CSMD1: variants seen among roughly 807,000 people sequenced by gnomAD.
CSMD1 encodes the protein CUB and Sushi multiple domains 1.
CSMD1 carries 213 observed loss-of-function variants against 417.5 expected under a neutral mutation model. That is an observed-to-expected ratio of 0.51 (90% CI 0.46 to 0.57). CSMD1 has a LOEUF of 0.57. Among genes scored for constraint, CSMD1 ranks in the 20% least tolerant of loss-of-function variants. The pLI is 0.00. For missense variants in CSMD1, 6,923 were observed against 4,529.7 expected, an observed-to-expected ratio of 1.53 and a Z score of -15.17; for synonymous variants, 2,862 against 1,736.8, an observed-to-expected ratio of 1.65 and a Z score of -16.11.
chr8:4,419,075 A>G lies in CSMD1; in HGVS notation c.415+878T>C, dbSNP rs146869391. On this transcript the variant is annotated intron_variant, in intron 3 of 69. Coordinates refer to ENST00000635120, the MANE Select transcript of CSMD1 (RefSeq NM_033225.6). ...CAAAATACGATTTTTGCCTAAATGC[A>G]GAGTATTCCCAGTAAGAATATATAA... 3.3e-3 allele frequency among the ~76,000 whole-genome samples: 506 copies of G among 152,320 alleles called. 1 individual carries two copies. The highest frequency in any genetic ancestry group is 0.012 in the African/African-American group (483 of 41,584).
chr8:4,958,826 A>C (rs1310551325), intron 1 of CSMD1, among the ~76,000 whole-genome samples: 1 of 152,168 alleles, frequency 6.6e-6, no homozygotes, highest in African/African-American at 2.4e-5. Flanking sequence ...GCTTCTGACA[A>C]GTGTCTAAAA....
intron 1 of CSMD1, among the ~76,000 whole-genome samples, chr8:4,945,543 C>G (rs1340051368): frequency 6.7e-6 from 1 of 149,602 alleles, no homozygotes; most frequent in South Asian, 2.1e-4. Context: ...AAAAGTGGTA[C>G]TCAGTAAAAA....
intron 2 of CSMD1, among the ~76,000 whole-genome samples, chr8:4,517,883 C>A (rs982615600): frequency 1.3e-5 from 2 of 152,114 alleles, no homozygotes; most frequent in Admixed American, 6.6e-5. Flanking sequence ...ATAAGATTTG[C>A]ATTTGAGTAG....
At chr8:4,355,801 C>T (rs1292357830) in intron 3 of CSMD1, among the ~76,000 whole-genome samples, 1 of 152,170 alleles carries the variant, frequency 6.6e-6, no homozygotes, top group Non-Finnish European at 1.5e-5. Context: ...ACTAACCTGG[C>T]TGCTGTTTGG....
At chr8:4,785,064 T>A (rs996329306) in intron 1 of CSMD1, among the ~76,000 whole-genome samples, 66 of 152,244 alleles carry the variant, frequency 4.3e-4, no homozygotes, top group African/African-American at 1.5e-3. Context: ...TTTATATAAC[T>A]ATCAGGCAAG....
intron 37 of CSMD1, among the ~76,000 whole-genome samples, chr8:3,169,142 G>A (rs955299483): frequency 6.6e-6 from 1 of 152,112 alleles, no homozygotes; most frequent in Non-Finnish European, 1.5e-5. Context: ...CATAAGCCAG[G>A]AAATGACATA....
intron 10 of CSMD1, among the ~76,000 whole-genome samples, chr8:3,513,513 C>A (rs1019458691): frequency 6.6e-6 from 1 of 152,022 alleles, no homozygotes; most frequent in Non-Finnish European, 1.5e-5. Context: ...GTCAATACTC[C>A]TTAATAAAAT....
At chr8:4,538,845 G>C (rs947398071) in intron 2 of CSMD1, among the ~76,000 whole-genome samples, 1 of 152,132 alleles carries the variant, frequency 6.6e-6, no homozygotes, top group Non-Finnish European at 1.5e-5. Context: ...TGGTGAGAAG[G>C]TAAAACTGAT....
intron 3 of CSMD1, among the ~76,000 whole-genome samples, chr8:4,105,022 A>C (rs550776294): frequency 6.6e-6 from 1 of 152,210 alleles, no homozygotes; most frequent in Non-Finnish European, 1.5e-5. Flanking sequence ...TAAAAACTAC[A>C]TTATAGAAAT....
At chr8:4,700,357 A>G in intron 1 of CSMD1, among the ~76,000 whole-genome samples, 1 of 151,946 alleles carries the variant, frequency 6.6e-6, no homozygotes, top group East Asian at 1.9e-4. Flanking sequence ...CATATTATAA[A>G]AATATTATTT....
intron 2 of CSMD1, among the ~76,000 whole-genome samples, chr8:4,496,256 C>G (rs529320702): frequency 6.6e-6 from 1 of 152,170 alleles, no homozygotes; most frequent in Non-Finnish European, 1.5e-5. Flanking sequence ...TATCTGTGCA[C>G]CACAGCAGTC....
chr8:4,573,319 TTGTTAA>T (rs1237203397), intron 2 of CSMD1, among the ~76,000 whole-genome samples: 1 of 152,198 alleles, frequency 6.6e-6, no homozygotes, highest in Admixed American at 6.5e-5. Flanking sequence ...GGCATCCTTT[TTGTTAA>T]TGTTGACGCT....
rs138886534 is a variant in CSMD1, at chr8:3,989,672, G to A, written c.818+8231C>T. Reference sequence around the variant, plus strand: ...ATGATGTATATGTTTATTAAGAAACGATACTGTGATACTCTAAAGAGATTC... The same window carrying A: ...ATGATGTATATGTTTATTAAGAAACAATACTGTGATACTCTAAAGAGATTC... On this transcript the variant is annotated intron_variant, in intron 5 of 69. Coordinates refer to ENST00000635120, the MANE Select transcript of CSMD1 (RefSeq NM_033225.6). Among the ~76,000 whole-genome samples the A allele has an allele frequency of 1.3e-3, 199 of 152,206 alleles. 2 individuals are homozygous for A. The highest frequency in any genetic ancestry group is 4.6e-3 in the African/African-American group (190 of 41,536).
chr8:4,490,722 A>G (rs914286040), intron 2 of CSMD1, among the ~76,000 whole-genome samples: 3 of 152,352 alleles, frequency 2.0e-5, no homozygotes, highest in East Asian at 1.9e-4. Context: ...GGGAGACAAC[A>G]GAGGCCAGAA....
intron 2 of CSMD1, among the ~76,000 whole-genome samples, chr8:4,480,904 G>A (rs566283983): frequency 6.6e-6 from 1 of 152,174 alleles, no homozygotes; most frequent in African/African-American, 2.4e-5. Flanking sequence ...TACATCCCTA[G>A]TTGTTGAGTT....
At chr8:4,009,764 T>TG (rs1816402038) in intron 4 of CSMD1, among the ~76,000 whole-genome samples, 1 of 152,174 alleles carries the variant, frequency 6.6e-6, no homozygotes, top group African/African-American at 2.4e-5. Flanking sequence ...GGAGCCAGAA[T>TG]GAAAGGAACC....
chr8:3,450,564 TG>T (rs1332360507), intron 12 of CSMD1, among the ~76,000 whole-genome samples: 1 of 147,378 alleles, frequency 6.8e-6, no homozygotes, highest in African/African-American at 2.5e-5. Flanking sequence ...ATGCAGTGTT[TG>T]TTTTTTTTTT....
At chr8:3,809,082 T>C (rs117038290) in intron 5 of CSMD1, among the ~76,000 whole-genome samples, 3,852 of 152,250 alleles carry the variant, frequency 0.025, 60 homozygotes, top group African/African-American at 0.048. Context: ...GCAGCTTCTA[T>C]CATATATGAC....
At chr8:4,080,086 C>T (rs1403872353) in intron 3 of CSMD1, among the ~76,000 whole-genome samples, 1 of 151,704 alleles carries the variant, frequency 6.6e-6, no homozygotes, top group African/African-American at 2.4e-5. Context: ...GTCTCTGTCT[C>T]CATGTTTGTG....
Sources: gnomAD v4.1 joint callset for allele counts (sites outside exome capture counted in the v4.1 genomes callset) on GRCh38, gnomAD v4.1.1 for gene constraint, MANE v1.5 for transcripts, NCBI Gene and HGNC (gene_info 2026-07-23, HGNC 2026-07-21) for gene names.